Variants in NXN observed in about 807,000 individuals in gnomAD.
NXN encodes the protein nucleoredoxin, also known as nucleoredoxin 1.
A neutral mutation model predicts 48.6 loss-of-function variants in NXN; 16 were observed. The observed-to-expected ratio is 0.33, with a 90% CI of 0.22 to 0.50. The LOEUF (loss-of-function observed/expected upper bound fraction) is 0.50, where lower values mean the gene tolerates loss of function less well. NXN is among the 20% of genes least tolerant of loss of function. The pLI is 0.98. For missense variants in NXN, 492 were observed against 605.5 expected (o/e 0.81, Z 1.97); for synonymous variants, 281 against 269.6 (o/e 1.04, Z -0.41).
chr17:848,614 A>G (rs994553616), intron 1 of NXN, among the ~76,000 whole-genome samples: 7 of 152,230 alleles, frequency 4.6e-5, no homozygotes, highest in Admixed American at 2.6e-4. Context: ...CATTTTTACA[A>G]TGCAGTCAGT....
chr17:823,261 T>C (rs1256083631), intron 3 of NXN, among the ~76,000 whole-genome samples: 1 of 151,996 alleles, frequency 6.6e-6, no homozygotes, highest in East Asian at 1.9e-4. Context: ...TAGTCAGGCG[T>C]GGTGGCATGC....
intron 1 of NXN, among the ~76,000 whole-genome samples, chr17:865,102 T>C (rs1291248557): frequency 2.0e-5 from 3 of 152,154 alleles, no homozygotes; most frequent in Non-Finnish European, 4.4e-5. Context: ...CCAGAAGTCA[T>C]CTTTCTCGCT....
intron 1 of NXN, chr17:930,002 G>T (rs935696050): frequency 6.6e-6 from 1 of 151,958 alleles, no homozygotes; most frequent in Non-Finnish European, 1.5e-5. Flanking sequence ...TCAATGACGG[G>T]GGTTAGAATA....
intron 1 of NXN, among the ~76,000 whole-genome samples, chr17:875,314 C>G (rs913775571): frequency 6.6e-6 from 1 of 151,698 alleles, no homozygotes; most frequent in Non-Finnish European, 1.5e-5. Flanking sequence ...TTACAGGCGT[C>G]AGCCACCATG....
At chr17:967,160 C>T (rs1194998894) in intron 1 of NXN, among the ~76,000 whole-genome samples, 1 of 152,180 alleles carries the variant, frequency 6.6e-6, no homozygotes, top group Non-Finnish European at 1.5e-5. Context: ...ACCCCAGCCT[C>T]CAGCTACACA....
At chr17:813,926 A>T (rs1912320666) in intron 5 of NXN, among the ~76,000 whole-genome samples, 1 of 149,756 alleles carries the variant, frequency 6.7e-6, no homozygotes, top group Non-Finnish European at 1.5e-5. Flanking sequence ...AGATTGTGCC[A>T]ATGTACTCCA....
chr17:879,119 C>T (rs773725720), intron 1 of NXN, among the ~76,000 whole-genome samples: 5 of 151,772 alleles, frequency 3.3e-5, no homozygotes, highest in Admixed American at 1.3e-4. Context: ...GAGCCAAGAT[C>T]GCGCCATTGC....
At position 932,586 on chromosome 17, in the gene NXN, C is replaced by T. The variant is rs1325494494; in HGVS notation, c.360+46733G>A. On this transcript the variant is annotated intron_variant, in intron 1 of 7. Coordinates refer to ENST00000336868, the MANE Select transcript of NXN (RefSeq NM_022463.5). This position sits in a 1 kb window ranked among gnomAD's most constrained non-coding sequence, Gnocchi z 4.1. ...AAACACAGGCTGGATTTTAAAGGATCTCTAGGGCTAGTTTCCCCAGGTTCT... is the reference window on the plus strand; with the variant it reads ...AAACACAGGCTGGATTTTAAAGGATTTCTAGGGCTAGTTTCCCCAGGTTCT... Among the ~76,000 whole-genome samples the T allele has an allele frequency of 6.6e-6, 1 of 152,186 alleles. No homozygotes were observed.
intron 1 of NXN, among the ~76,000 whole-genome samples, chr17:903,297 C>T (rs1376677124): frequency 6.6e-6 from 1 of 152,088 alleles, no homozygotes; most frequent in African/African-American, 2.4e-5. Context: ...CCTCCTCTTC[C>T]AGTGTTCAAA....
intron 1 of NXN, among the ~76,000 whole-genome samples, chr17:947,252 G>C (rs571164474): frequency 6.6e-6 from 1 of 152,170 alleles, no homozygotes; most frequent in Non-Finnish European, 1.5e-5. Flanking sequence ...CAAGCGTGAC[G>C]GGGACGCGCA....
intron 1 of NXN, chr17:864,051 T>C (rs764504361): frequency 6.7e-7 from 1 of 1,488,282 alleles, no homozygotes; most frequent in Non-Finnish European, 8.9e-7. Flanking sequence ...CGTCTGCCAT[T>C]GCTCGGTTCC....
Position 812,719 on chromosome 17 carries a change from T to A in NXN, c.820+6720A>T, listed in dbSNP as rs527565599. On this transcript the variant is annotated intron_variant, in intron 5 of 7. Coordinates refer to ENST00000336868, the MANE Select transcript of NXN (RefSeq NM_022463.5). ...GAATGTAGGTGTTTGCATGTGAGTG[T>A]AGGGTGTGTGAGTGTAGGGTGCGTG... Among the ~76,000 whole-genome samples, 49 of 147,434 alleles carry A rather than the reference T, an allele frequency of 3.3e-4. 1 individual carries two copies. The highest frequency in any genetic ancestry group is 3.0e-3 in the Admixed American group (44 of 14,856).
chr17:823,601 T>C (rs1383619793), intron 3 of NXN, 31 bp downstream of exon 3: 1 of 1,612,986 alleles, frequency 6.2e-7, no homozygotes, highest in Non-Finnish European at 8.5e-7. Context: ...TGCTTCCTTC[T>C]GTCTGAGCCA....
intron 5 of NXN, among the ~76,000 whole-genome samples, chr17:810,288 G>A (rs1242055022): frequency 7.2e-6 from 1 of 139,132 alleles, no homozygotes; most frequent in African/African-American, 2.6e-5. Flanking sequence ...TGTGAGTGGC[G>A]TGCACGTTAC....
At chr17:924,697 G>A (rs1044522958) in intron 1 of NXN, among the ~76,000 whole-genome samples, 42 of 145,444 alleles carry the variant, frequency 2.9e-4, no homozygotes, top group African/African-American at 1.0e-3. Context: ...CTGAAATTCC[G>A]TCCTCAGTAA....
intron 1 of NXN, among the ~76,000 whole-genome samples, chr17:969,976 G>A (rs1012060614): frequency 6.6e-6 from 1 of 152,166 alleles, no homozygotes; most frequent in Non-Finnish European, 1.5e-5. Context: ...GACACCCTGG[G>A]GAGCAGGGGG....
intron 1 of NXN, among the ~76,000 whole-genome samples, chr17:957,518 G>C (rs1051156924): frequency 1.3e-5 from 2 of 151,974 alleles, no homozygotes; most frequent in African/African-American, 4.8e-5. Context: ...TGTAGTCCCA[G>C]CTACTCGGGA....
rs146010243 is a variant in NXN, at chr17:921,260, C to G, written c.360+58059G>C. On this transcript the variant is annotated intron_variant, in intron 1 of 7. Transcript: ENST00000336868. ...CAAAAGGTAACTGTTTATCCCCAGG[C>G]AACCTCTATGTTCCTCTGGCTCAGC... Among the ~76,000 whole-genome samples, 23 of 152,174 alleles carry G rather than the reference C, an allele frequency of 1.5e-4. No homozygotes were observed. The East Asian group carries it at 3.9e-3, about 26-fold the overall frequency.
At chr17:829,163 G>A (rs1156297055) in intron 1 of NXN, among the ~76,000 whole-genome samples, 3 of 150,504 alleles carry the variant, frequency 2.0e-5, no homozygotes, top group African/African-American at 7.3e-5. Context: ...TTAGGGGGGC[G>A]GGGTGGTGGG....
Sources: allele counts gnomAD v4.1 joint callset (sites outside exome capture counted in the v4.1 genomes callset), GRCh38; gene constraint gnomAD v4.1.1; non-coding constraint Gnocchi (gnomAD v3.1); transcripts MANE v1.5; gene names NCBI Gene and HGNC (gene_info 2026-07-23, HGNC 2026-07-21).